The following LRRIQ3 variants were observed in gnomAD, a reference collection of about 807,000 sequenced individuals.
LRRIQ3 encodes leucine-rich repeat and IQ domain-containing protein 3.
LRRIQ3 carries 75 observed loss-of-function variants against 59.3 expected under a neutral mutation model. The observed-to-expected ratio is 1.26, with a 90% CI of 1.05 to 1.53. The LOEUF is 1.53. Among genes scored for constraint, LRRIQ3 ranks in the 40% most tolerant of loss-of-function variants. The pLI is 0.00. For synonymous variants in LRRIQ3, 250 were observed against 231.3 expected (o/e 1.08, Z -0.73); for missense variants, 831 against 710.0 (o/e 1.17, Z -1.94).
chr1:74,064,507 G>C (rs1470250222), intron 6 of LRRIQ3, among the ~76,000 whole-genome samples: 1 of 151,924 alleles, frequency 6.6e-6, no homozygotes, highest in African/African-American at 2.4e-5. Flanking sequence ...TTAGCACTCT[G>C]TTTTTTCATG....
intron 1 of LRRIQ3, among the ~76,000 whole-genome samples, chr1:74,189,160 C>T (rs1650594178): frequency 6.6e-6 from 1 of 152,134 alleles, no homozygotes; most frequent in African/African-American, 2.4e-5. Flanking sequence ...GTCTCAGGAC[C>T]TCTCTATGTT....
intron 6 of LRRIQ3, among the ~76,000 whole-genome samples, chr1:74,069,961 A>T (rs1384393202): frequency 6.6e-6 from 1 of 152,108 alleles, no homozygotes; most frequent in Non-Finnish European, 1.5e-5. Context: ...TTATTATAAA[A>T]AGTCAAAAAA....
At chr1:74,197,527 G>A (rs1377604053) in intron 1 of LRRIQ3, among the ~76,000 whole-genome samples, 1 of 152,150 alleles carries the variant, frequency 6.6e-6, no homozygotes, top group Non-Finnish European at 1.5e-5. Context: ...TCCTAAGAGT[G>A]TTATTGAACA....
intron 3 of LRRIQ3, among the ~76,000 whole-genome samples, chr1:74,157,298 A>G (rs1483158974): frequency 2.0e-5 from 3 of 152,084 alleles, no homozygotes; most frequent in African/African-American, 7.2e-5. Flanking sequence ...ATTCCTATCT[A>G]TACTGAGTAG....
intron 3 of LRRIQ3, among the ~76,000 whole-genome samples, chr1:74,165,571 T>G (rs2100688599): frequency 6.6e-6 from 1 of 151,698 alleles, no homozygotes; most frequent in African/African-American, 2.4e-5. Context: ...TCTTTTCCTT[T>G]TGTTTCCTTT....
intron 6 of LRRIQ3, among the ~76,000 whole-genome samples, chr1:74,043,573 C>A (rs1654112690): frequency 6.6e-6 from 1 of 152,096 alleles, no homozygotes; most frequent in African/African-American, 2.4e-5. Context: ...GTGTCCAAAG[C>A]AAGAGACTGA....
At chr1:74,052,894 CTT>C (rs1654409802) in intron 6 of LRRIQ3, among the ~76,000 whole-genome samples, 1 of 152,010 alleles carries the variant, frequency 6.6e-6, no homozygotes, top group Non-Finnish European at 1.5e-5. Context: ...TAACAATTTC[CTT>C]GTTCACTATT....
At chr1:74,190,497 A>AG (rs112443776) in intron 1 of LRRIQ3, among the ~76,000 whole-genome samples, 9 of 152,170 alleles carry the variant, frequency 5.9e-5, no homozygotes, top group African/African-American at 2.2e-4. Flanking sequence ...CTGAAAAAAA[A>AG]CATAACATTC....
At chr1:74,184,896 T>C (rs1315915999) in intron 1 of LRRIQ3, among the ~76,000 whole-genome samples, 1 of 152,198 alleles carries the variant, frequency 6.6e-6, no homozygotes, top group Non-Finnish European at 1.5e-5. Flanking sequence ...ACACATCATT[T>C]GGACTTCCAA....
chr1:74,147,566 A>G (rs541523905), intron 4 of LRRIQ3, among the ~76,000 whole-genome samples: 1 of 152,286 alleles, frequency 6.6e-6, no homozygotes, highest in East Asian at 1.9e-4. Context: ...ATGTCCATAA[A>G]ATAAAGTGAA....
chr1:74,110,879 A>G (rs890783178), intron 4 of LRRIQ3, among the ~76,000 whole-genome samples: 1 of 152,032 alleles, frequency 6.6e-6, no homozygotes, highest in Non-Finnish European at 1.5e-5. Flanking sequence ...CCTGCTCCAT[A>G]AAGTCATTCG....
In LRRIQ3 at chr1:74,074,795, G is replaced by GA; in HGVS notation, c.868-6dup. 1 of 1,261,032 alleles carries GA rather than the reference G, an allele frequency of 7.9e-7. No homozygotes were observed. Among genetic ancestry groups the GA allele is most frequent in the South Asian group, 2.0e-5 (1 of 50,432 alleles). 78.1% of individuals were successfully genotyped at this position (1,261,032 alleles called of 1,614,324 possible). ...ATCAACAGGATAATATATATTCTGT[G>GA]AAAATAAAATAAAAGCAATGACAAT... is the stretch of plus-strand genomic sequence containing the variant. On this transcript the variant is annotated splice_polypyrimidine_tract_variant and splice_region_variant and intron_variant, in intron 5 of 7. Transcript: ENST00000354431.
chr1:74,179,900 C>G (rs1447673141), intron 3 of LRRIQ3: 2 of 151,928 alleles, frequency 1.3e-5, no homozygotes, highest in African/African-American at 4.8e-5. Context: ...ATGACATTTT[C>G]AGTCTCTTTC....
intron 3 of LRRIQ3, among the ~76,000 whole-genome samples, chr1:74,176,133 T>C (rs191045887): frequency 6.6e-6 from 1 of 152,292 alleles, no homozygotes; most frequent in East Asian, 1.9e-4. Context: ...CTTTAGCTAT[T>C]ATTTTAGGGG....
intron 4 of LRRIQ3, among the ~76,000 whole-genome samples, chr1:74,131,286 T>G (rs1647014780): frequency 6.6e-6 from 1 of 152,164 alleles, no homozygotes; most frequent in South Asian, 2.1e-4. Context: ...AGCCGAATTC[T>G]ACTAGACGTA....
intron 7 of LRRIQ3, among the ~76,000 whole-genome samples, chr1:74,028,193 G>C (rs893616316): frequency 2.6e-5 from 4 of 152,014 alleles, no homozygotes; most frequent in Non-Finnish European, 1.5e-5. Context: ...CAAGGCTGGA[G>C]AAACAAATTT....
intron 5 of LRRIQ3, among the ~76,000 whole-genome samples, chr1:74,099,768 A>C (rs1646503906): frequency 1.3e-5 from 2 of 152,214 alleles, no homozygotes; most frequent in Non-Finnish European, 2.9e-5. Flanking sequence ...AAATCAATAA[A>C]TGTAATCCAT....
At chr1:74,055,160 CACAT>C (rs1250066313) in intron 6 of LRRIQ3, among the ~76,000 whole-genome samples, 5 of 136,680 alleles carry the variant, frequency 3.7e-5, no homozygotes, top group Non-Finnish European at 7.7e-5. Context: ...CACATACACA[CACAT>C]ACATACATAT....
chr1:74,121,338 T>C (rs991038965), intron 4 of LRRIQ3, among the ~76,000 whole-genome samples: 3 of 152,118 alleles, frequency 2.0e-5, no homozygotes, highest in Non-Finnish European at 4.4e-5. Flanking sequence ...ATTATTTGTT[T>C]ATTACTGAAA....
Sources: gnomAD v4.1 joint callset for allele counts (sites outside exome capture counted in the v4.1 genomes callset) on GRCh38, gnomAD v4.1.1 for gene constraint, MANE v1.5 for transcripts, NCBI Gene and HGNC (gene_info 2026-07-23, HGNC 2026-07-21) for gene names.